The following CHMP4B variants were observed in gnomAD, a reference collection of about 807,000 sequenced individuals.
CHMP4B encodes charged multivesicular body protein 4B, also known as SNF7 homolog associated with Alix 1.
CHMP4B carries 1 observed loss-of-function variant against 25.1 expected under a neutral mutation model. The ratio of observed to expected loss-of-function variants is 0.04; its 90% CI spans 0.01 to 0.19. The LOEUF is 0.19. CHMP4B is among the 10% of genes least tolerant of loss of function. The pLI, the probability that CHMP4B is intolerant of heterozygous loss-of-function variation, is 1.00. For missense variants in CHMP4B, 151 were observed against 289.7 expected, an observed-to-expected ratio of 0.52 and a Z score of 3.48; for synonymous variants, 101 against 115.6, an observed-to-expected ratio of 0.87 and a Z score of 0.81.
At chr20:33,848,226 G>A (rs1229016621) in intron 1 of CHMP4B, among the ~76,000 whole-genome samples, 1 of 152,178 alleles carries the variant, frequency 6.6e-6, no homozygotes, top group Non-Finnish European at 1.5e-5. Context: ...GTGTGTGTGC[G>A]TGGTTACCCG....
chr20:33,830,498 T>C (rs1052379820), intron 1 of CHMP4B, among the ~76,000 whole-genome samples: 2 of 152,234 alleles, frequency 1.3e-5, no homozygotes, highest in African/African-American at 2.4e-5. Flanking sequence ...ATTCCGTTTC[T>C]GGTGAGAGCC....
intron 1 of CHMP4B, among the ~76,000 whole-genome samples, chr20:33,814,997 A>G (rs574778337): frequency 6.6e-6 from 1 of 152,316 alleles, no homozygotes; most frequent in African/African-American, 2.4e-5. Flanking sequence ...ATTTTGAAAG[A>G]GCACTCTAGC....
intron 1 of CHMP4B, among the ~76,000 whole-genome samples, chr20:33,822,822 T>C (rs1297882735): frequency 6.6e-6 from 1 of 151,936 alleles, no homozygotes; most frequent in Non-Finnish European, 1.5e-5. Context: ...GAGACAAGAG[T>C]CTCATTCTGT....
intron 1 of CHMP4B, among the ~76,000 whole-genome samples, chr20:33,841,359 C>T (rs538334576): frequency 1.3e-5 from 2 of 152,280 alleles, no homozygotes; most frequent in Middle Eastern, 6.8e-3. Flanking sequence ...AAGGAGGCTG[C>T]TCTGGAAAAA....
intron 2 of CHMP4B, among the ~76,000 whole-genome samples, chr20:33,849,248 G>T (rs1213761569): frequency 6.6e-6 from 1 of 152,196 alleles, no homozygotes; most frequent in African/African-American, 2.4e-5. Context: ...GCTTGTTACA[G>T]TTGTAACTAA....
At chr20:33,843,059 A>G (rs775832465) in intron 1 of CHMP4B, among the ~76,000 whole-genome samples, 2 of 152,194 alleles carry the variant, frequency 1.3e-5, no homozygotes, top group East Asian at 1.9e-4. Flanking sequence ...TGGTTTCTGT[A>G]ATCACTAGCT....
At chr20:33,827,670 A>G (rs1289238245) in intron 1 of CHMP4B, among the ~76,000 whole-genome samples, 1 of 152,242 alleles carries the variant, frequency 6.6e-6, no homozygotes, top group Non-Finnish European at 1.5e-5. Flanking sequence ...TCTGACTTTT[A>G]CTGCCAGCCT....
intron 1 of CHMP4B, among the ~76,000 whole-genome samples, chr20:33,838,380 A>G (rs1363276202): frequency 6.6e-6 from 1 of 152,162 alleles, no homozygotes; most frequent in African/African-American, 2.4e-5. Flanking sequence ...GGGCTCTGAG[A>G]CAGACTGGAA....
At chr20:33,837,475 G>GCCCA in intron 1 of CHMP4B, among the ~76,000 whole-genome samples, 1 of 152,240 alleles carries the variant, frequency 6.6e-6, no homozygotes, top group East Asian at 1.9e-4. Context: ...TGGCCTCTGG[G>GCCCA]GCAAGGGAGC....
chr20:33,813,336 T>C (rs994139375), intron 1 of CHMP4B, among the ~76,000 whole-genome samples: 33 of 152,112 alleles, frequency 2.2e-4, no homozygotes, highest in African/African-American at 8.0e-4. Context: ...GAGTTTGAAT[T>C]TTATTCCAAG....
At chr20:33,823,924 C>T (rs1374557341) in intron 1 of CHMP4B, among the ~76,000 whole-genome samples, 1 of 152,104 alleles carries the variant, frequency 6.6e-6, no homozygotes, top group East Asian at 1.9e-4. Context: ...AGTCTTCCCA[C>T]CTCAGCCTCC....
At chr20:33,845,978 G>A (rs1302741247) in intron 1 of CHMP4B, among the ~76,000 whole-genome samples, 1 of 152,152 alleles carries the variant, frequency 6.6e-6, no homozygotes, top group East Asian at 1.9e-4. Flanking sequence ...TGCAGGACCG[G>A]GCAGGCCATA....
intron 1 of CHMP4B, among the ~76,000 whole-genome samples, chr20:33,816,651 T>C (rs912438422): frequency 1.3e-5 from 2 of 152,232 alleles, no homozygotes; most frequent in Admixed American, 1.3e-4. Flanking sequence ...GATTCTTTTC[T>C]TTTTAAGTCT....
intron 1 of CHMP4B, among the ~76,000 whole-genome samples, chr20:33,821,893 T>G (rs948508109): frequency 6.6e-6 from 1 of 152,158 alleles, no homozygotes; most frequent in Non-Finnish European, 1.5e-5. Flanking sequence ...CTTGGCTCAC[T>G]GTAACCTCCG....
chr20:33,828,422 T>TG (rs1233868748), intron 1 of CHMP4B, among the ~76,000 whole-genome samples: 10 of 152,350 alleles, frequency 6.6e-5, no homozygotes, highest in Admixed American at 6.5e-4. Flanking sequence ...TAAAGTGCCA[T>TG]GCAGAAAGCC....
At chr20:33,843,360 A>G (rs1979596804) in intron 1 of CHMP4B, among the ~76,000 whole-genome samples, 1 of 152,206 alleles carries the variant, frequency 6.6e-6, no homozygotes, top group African/African-American at 2.4e-5. Flanking sequence ...TTTCCCATCT[A>G]AAAGCAACCT....
At chr20:33,846,936 T>C (rs1034823456) in intron 1 of CHMP4B, among the ~76,000 whole-genome samples, 2 of 152,240 alleles carry the variant, frequency 1.3e-5, no homozygotes, top group Admixed American at 1.3e-4. Context: ...GCTTCCCTTC[T>C]AGTTTCTTTG....
chr20:33,848,383 G>C (rs1226618519), intron 1 of CHMP4B, 84 bp from the exon 2 acceptor site: 34 of 1,381,286 alleles, frequency 2.5e-5, no homozygotes, highest in Non-Finnish European at 3.5e-5. Context: ...GGTGCTTCCA[G>C]TAGAGTTGGG....
chr20:33,844,625 T>C (rs1463186716), intron 1 of CHMP4B, among the ~76,000 whole-genome samples: 4 of 152,184 alleles, frequency 2.6e-5, no homozygotes, highest in Admixed American at 2.0e-4. Context: ...TCTATGATGT[T>C]AATAGGGAAA....
Sources: allele counts gnomAD v4.1 joint callset (sites outside exome capture counted in the v4.1 genomes callset), GRCh38; gene constraint gnomAD v4.1.1; transcripts MANE v1.5; gene names NCBI Gene and HGNC (gene_info 2026-07-23, HGNC 2026-07-21).